The following FAM135B variants were observed in gnomAD, a reference collection of about 807,000 sequenced individuals.
The protein encoded by FAM135B is protein FAM135B.
In FAM135B, 43 loss-of-function variants were observed where a neutral mutation model predicts 127.7. That is an observed-to-expected ratio of 0.34 (90% CI 0.26 to 0.43). The LOEUF (loss-of-function observed/expected upper bound fraction) is 0.43, where lower values mean the gene tolerates loss of function less well. Ranked by LOEUF, FAM135B falls within the 20% of genes least tolerant of loss-of-function variation. The pLI is 1.00. For synonymous variants in FAM135B, 670 were observed against 665.1 expected (o/e 1.01, Z -0.11); for missense variants, 1,558 against 1,725.6 (o/e 0.90, Z 1.72).
In FAM135B at chr8:138,264,540, T is replaced by C. The variant is rs143738283; in HGVS notation, c.297+1163A>G. Reference sequence around the variant, plus strand: ...AGTGAGAAGGCTCAGTAATAGAATATGCATGATCGATTTATTTAATTACAT... The same window carrying C: ...AGTGAGAAGGCTCAGTAATAGAATACGCATGATCGATTTATTTAATTACAT... On this transcript the variant is annotated intron_variant, in intron 4 of 19. Transcript: ENST00000395297. Among the ~76,000 whole-genome samples the C allele has an allele frequency of 5.4e-3, 818 of 152,324 alleles. 4 individuals carry two copies. The highest frequency in any genetic ancestry group is 0.015 in the African/African-American group (637 of 41,566).
intron 11 of FAM135B, among the ~76,000 whole-genome samples, chr8:138,169,087 TATA>T (rs566009620): frequency 2.6e-5 from 4 of 152,168 alleles, no homozygotes; most frequent in Non-Finnish European, 5.9e-5. Context: ...TATGGAAATA[TATA>T]ATATTTATGT....
At chr8:138,289,305 T>G (rs1224922350) in intron 3 of FAM135B, among the ~76,000 whole-genome samples, 1 of 152,212 alleles carries the variant, frequency 6.6e-6, no homozygotes, top group East Asian at 1.9e-4. Flanking sequence ...TTCTTCTCAT[T>G]CTCTGCCTCA....
chr8:138,382,240 G>A (rs566197003), intron 1 of FAM135B, among the ~76,000 whole-genome samples: 14 of 152,132 alleles, frequency 9.2e-5, no homozygotes, highest in African/African-American at 3.4e-4. Flanking sequence ...ATCAAGATAC[G>A]GAGGGCCTTA....
At chr8:138,321,400 C>T (rs548384099) in intron 2 of FAM135B, among the ~76,000 whole-genome samples, 3 of 152,206 alleles carry the variant, frequency 2.0e-5, no homozygotes, top group East Asian at 1.9e-4. Flanking sequence ...GGGATGCCTG[C>T]GGGATACAGT....
At chr8:138,341,371 T>C (rs941313058) in intron 2 of FAM135B, among the ~76,000 whole-genome samples, 1 of 152,162 alleles carries the variant, frequency 6.6e-6, no homozygotes, top group Non-Finnish European at 1.5e-5. Flanking sequence ...ATCAAATTCA[T>C]AGAGATACAA....
At chr8:138,381,458 G>A (rs1018307344) in intron 1 of FAM135B, among the ~76,000 whole-genome samples, 4 of 152,112 alleles carry the variant, frequency 2.6e-5, no homozygotes, top group African/African-American at 9.7e-5. Flanking sequence ...CCTTGTGCAT[G>A]TCAAAATAGC....
At chr8:138,195,214 AC>A in intron 9 of FAM135B, 43 bp downstream of exon 9, 1 of 1,594,410 alleles carries the variant, frequency 6.3e-7, no homozygotes, top group Admixed American at 1.8e-5. Flanking sequence ...GCCTTGCAAA[AC>A]TACTGCCATT....
At chr8:138,417,467 G>T (rs558413406) in intron 1 of FAM135B, among the ~76,000 whole-genome samples, 1 of 152,162 alleles carries the variant, frequency 6.6e-6, no homozygotes, top group East Asian at 1.9e-4. Flanking sequence ...GTGCTCACTC[G>T]CCCACAATCT....
Position 138,154,269 on chromosome 8 carries a change from A to G in FAM135B, c.1259-1053T>C, listed in dbSNP as rs552326552. On this transcript the variant is annotated intron_variant, in intron 12 of 19. Coordinates refer to ENST00000395297, the MANE Select transcript of FAM135B (RefSeq NM_015912.4). Reference sequence around the variant, plus strand: ...ACTAACAAACAGAAAGGACATCCACACCAAAACCCATCTGTACGTCACCAT... The same window carrying G: ...ACTAACAAACAGAAAGGACATCCACGCCAAAACCCATCTGTACGTCACCAT... Among the ~76,000 whole-genome samples, 17 of 77,434 alleles carry G rather than the reference A, an allele frequency of 2.2e-4. No homozygotes were observed. The South Asian group carries it at 5.9e-3, about 27-fold the overall frequency. The allele number at this position is 77,434 out of a possible 152,430, so 50.8% of individuals were successfully genotyped here. A position where few individuals can be genotyped will look rare whatever the true frequency, so the allele number is the denominator to read the frequency against.
intron 7 of FAM135B, among the ~76,000 whole-genome samples, chr8:138,234,275 G>C (rs904667395): frequency 2.6e-5 from 4 of 152,148 alleles, no homozygotes; most frequent in Non-Finnish European, 5.9e-5. Flanking sequence ...TAGAAATGTA[G>C]AATAGTGCAG....
At chr8:138,377,912 G>A (rs1831590686) in intron 1 of FAM135B, among the ~76,000 whole-genome samples, 1 of 152,162 alleles carries the variant, frequency 6.6e-6, no homozygotes, top group Admixed American at 6.5e-5. Flanking sequence ...ATCACTGCAG[G>A]GAATATCTGC....
At chr8:138,167,133 G>A (rs1820007027) in intron 12 of FAM135B, among the ~76,000 whole-genome samples, 5 of 151,980 alleles carry the variant, frequency 3.3e-5, no homozygotes, top group Admixed American at 3.3e-4. Context: ...AGCAGACAGG[G>A]GGATAATGTG....
chr8:138,381,206 C>G (rs1170061783), intron 1 of FAM135B, among the ~76,000 whole-genome samples: 1 of 152,132 alleles, frequency 6.6e-6, no homozygotes, highest in Admixed American at 6.5e-5. Flanking sequence ...GGCCCTTCTT[C>G]CCTCGCTGTG....
intron 1 of FAM135B, among the ~76,000 whole-genome samples, chr8:138,494,848 A>AC (rs1387792139): frequency 1.0e-4 from 14 of 138,138 alleles, no homozygotes; most frequent in Middle Eastern, 3.5e-3. Flanking sequence ...AAAAAAAAAA[A>AC]AAAACTTAAT....
chr8:138,406,603 A>G (rs1587370672), intron 1 of FAM135B, among the ~76,000 whole-genome samples: 1 of 152,190 alleles, frequency 6.6e-6, no homozygotes. Flanking sequence ...GGCTGGTTCA[A>G]TACATGCAAA....
intron 3 of FAM135B, among the ~76,000 whole-genome samples, chr8:138,273,768 C>A (rs1203740026): frequency 6.6e-6 from 1 of 152,204 alleles, no homozygotes; most frequent in Non-Finnish European, 1.5e-5. Context: ...CTCTCACTCA[C>A]TCCTGCCCCT....
At chr8:138,350,935 C>G (rs1312464579) in intron 2 of FAM135B, among the ~76,000 whole-genome samples, 2 of 152,112 alleles carry the variant, frequency 1.3e-5, no homozygotes, top group African/African-American at 2.4e-5. Context: ...TGCTTACCTC[C>G]CCAAAGTCAT....
At chr8:138,198,470 A>C (rs1271664047) in intron 7 of FAM135B, among the ~76,000 whole-genome samples, 6 of 152,168 alleles carry the variant, frequency 3.9e-5, no homozygotes, top group African/African-American at 1.4e-4. Flanking sequence ...AGAGAGAAGA[A>C]ATTTAGAAAG....
intron 3 of FAM135B, among the ~76,000 whole-genome samples, chr8:138,296,148 C>T (rs977467026): frequency 1.3e-5 from 2 of 152,182 alleles, no homozygotes. Flanking sequence ...TGGTTCTTGT[C>T]TTTTCCTCTT....
Sources: gnomAD v4.1 joint callset for allele counts (sites outside exome capture counted in the v4.1 genomes callset) on GRCh38, gnomAD v4.1.1 for gene constraint, MANE v1.5 for transcripts, NCBI Gene and HGNC (gene_info 2026-07-23, HGNC 2026-07-21) for gene names.